Variants in YPEL4 observed in about 807,000 individuals in gnomAD.
YPEL4 encodes protein yippee-like 4.
In YPEL4, 5 loss-of-function variants were observed where a neutral mutation model predicts 16.3. The observed-to-expected ratio is 0.31, with a 90% CI of 0.16 to 0.64. The LOEUF is 0.64. YPEL4 is among the 30% of genes least tolerant of loss of function. The probability of loss-of-function intolerance (pLI) is 0.79; values close to 1 mark genes in which losing one functional copy is unlikely to be tolerated. For missense variants in YPEL4, 127 were observed against 170.0 expected (o/e 0.75, Z 1.41); for synonymous variants, 61 against 60.7 (o/e 1.00, Z -0.02).
chr11:57,647,164 C>A lies in YPEL4; in HGVS notation c.-57G>T. 6.7e-7 allele frequency: 1 copy of A among 1,488,848 alleles called. No individual in the cohort carries two copies. The highest frequency in any genetic ancestry group is 8.9e-7 in the Non-Finnish European group (1 of 1,120,842). The allele number at this position is 1,488,848 out of a possible 1,614,324, so 92.2% of individuals were successfully genotyped here. A position where few individuals can be genotyped will look rare whatever the true frequency, so the allele number is the denominator to read the frequency against. Reference sequence around the variant, plus strand: ...GGAGGGGCTGGCGCCGTGCAGCCCCCGCAGAGACGGTCGCAGGTGAAGCAG... The same window carrying A: ...GGAGGGGCTGGCGCCGTGCAGCCCCAGCAGAGACGGTCGCAGGTGAAGCAG... On this transcript the variant is annotated 5_prime_UTR_variant, in exon 2 of 5. Transcript: ENST00000300022. The surrounding 1 kb of genome is among the most constrained non-coding windows in gnomAD (Gnocchi z 4.2).
chr11:57,645,790 C>CCT lies in YPEL4; in HGVS notation c.*190_*191insAG. On this transcript the variant is annotated 3_prime_UTR_variant, in exon 5 of 5. Coordinates refer to ENST00000300022, the MANE Select transcript of YPEL4 (RefSeq NM_145008.3). The stretch of plus-strand genomic sequence containing the variant: ...ACTGCTGCCCACTCCTGAGCCTTAA[C>CCT]ACCCCTGGGGTACCCCCAGACCCCT... 1 of 600,484 alleles carries CCT rather than the reference C, an allele frequency of 1.7e-6. No individual in the cohort carries two copies. The highest frequency in any genetic ancestry group is 2.9e-6 in the Non-Finnish European group (1 of 340,422). 37.2% of individuals were successfully genotyped at this position (600,484 alleles called of 1,614,324 possible).
intron 3 of YPEL4, 44 bp downstream of exon 3, chr11:57,646,707 A>G (rs748501839): frequency 6.2e-7 from 1 of 1,610,608 alleles, no homozygotes; most frequent in South Asian, 1.1e-5. Flanking sequence ...TTACTCACTC[A>G]CACACAAGCA....
Position 57,645,775 on chromosome 11 carries a change from A to G in YPEL4, c.*206T>C. On this transcript the variant is annotated 3_prime_UTR_variant, in exon 5 of 5. Transcript: ENST00000300022. ...TTCTGTCTCTCCCTGACTGCTGCCC[A>G]CTCCTGAGCCTTAACACCCCTGGGG... 5.2e-6 allele frequency: 3 copies of G among 574,454 alleles called. No individual in the cohort carries two copies. Among genetic ancestry groups the G allele is most frequent in the Admixed American group, 6.3e-5 (2 of 31,506 alleles). The allele number at this position is 574,454 out of a possible 1,614,324, so 35.6% of individuals were successfully genotyped here.
intron 3 of YPEL4, 88 bp downstream of exon 3, chr11:57,646,663 C>G (rs568557460): frequency 2.2e-5 from 35 of 1,561,276 alleles, no homozygotes; most frequent in African/African-American, 1.9e-4. Flanking sequence ...ACAAGATCAC[C>G]TGATGGATTC....
chr11:57,645,819 C>A lies in YPEL4; in HGVS notation c.*162G>T. 3.0e-6 allele frequency: 2 copies of A among 676,370 alleles called. No homozygotes were observed. Among genetic ancestry groups the A allele is most frequent in the Non-Finnish European group, 5.0e-6 (2 of 403,072 alleles). 41.9% of individuals were successfully genotyped at this position (676,370 alleles called of 1,614,324 possible). A position where few individuals can be genotyped will look rare whatever the true frequency, so the allele number is the denominator to read the frequency against. ...CCTGGGGTACCCCCAGACCCCTGTT[C>A]TAAAGGGTGCCTGGTAGTGGATATG... is the stretch of plus-strand genomic sequence containing the variant. On this transcript the variant is annotated 3_prime_UTR_variant, in exon 5 of 5. Coordinates refer to ENST00000300022, the MANE Select transcript of YPEL4 (RefSeq NM_145008.3).
chr11:57,646,572 A>G (rs1945732496), intron 3 of YPEL4, 167 bp from the exon 4 acceptor site: 10 of 1,213,286 alleles, frequency 8.2e-6, no homozygotes, highest in African/African-American at 1.5e-5. Flanking sequence ...CACCGTTATG[A>G]TTTCAATTCT....
chr11:57,647,411 C>A lies in YPEL4; in HGVS notation c.-184-120G>T. The A allele has an allele frequency of 3.8e-6, 1 of 265,226 alleles. No individual in the cohort carries two copies. The highest frequency in any genetic ancestry group is 7.1e-6 in the Non-Finnish European group (1 of 141,014). 16.4% of individuals were successfully genotyped at this position (265,226 alleles called of 1,614,324 possible). On this transcript the variant is annotated intron_variant, in intron 1 of 4. Coordinates refer to ENST00000300022, the MANE Select transcript of YPEL4 (RefSeq NM_145008.3). This position sits in a 1 kb window ranked among gnomAD's most constrained non-coding sequence, Gnocchi z 4.2. ...CTACTTTCCCCATCACCATCGACCC[C>A]CCCACAGCATCCAGTTGCATTGTCG...
chr11:57,645,375 T>A lies in YPEL4; in HGVS notation c.*606A>T, dbSNP rs553621486. 1 of 153,510 alleles carries A rather than the reference T, an allele frequency of 6.5e-6. No individual in the cohort carries two copies. Among genetic ancestry groups the A allele is most frequent in the Non-Finnish European group, 1.5e-5 (1 of 68,634 alleles). The allele number at this position is 153,510 out of a possible 1,614,324, so 9.5% of individuals were successfully genotyped here. On this transcript the variant is annotated 3_prime_UTR_variant, in exon 5 of 5. Transcript: ENST00000300022. ...CGAAAGTGCCTCTTCAGTGCCAAGA[T>A]AAACTAACAAGTGGAGTGAAATGGA...
chr11:57,648,835 C>T (rs754151013), intron 1 of YPEL4: 1 of 152,410 alleles, frequency 6.6e-6, no homozygotes, highest in Non-Finnish European at 1.5e-5. Flanking sequence ...GTCTCTGCTT[C>T]ACAGGTTTGC....
chr11:57,648,509 CT>C (rs1383692129), intron 1 of YPEL4: 1 of 152,270 alleles, frequency 6.6e-6, no homozygotes, highest in African/African-American at 2.4e-5. Context: ...TAGCCTAAGT[CT>C]GGTTCAGAGA....
Position 57,647,129 on chromosome 11 carries a change from C to T in YPEL4, c.-22G>A. 6.5e-7 allele frequency: 1 copy of T among 1,543,092 alleles called. No homozygotes were observed. The highest frequency in any genetic ancestry group is 1.2e-5 in the South Asian group (1 of 82,190). On this transcript the variant is annotated 5_prime_UTR_variant, in exon 2 of 5. Transcript: ENST00000300022. The surrounding 1 kb of genome is among the most constrained non-coding windows in gnomAD (Gnocchi z 4.2). ...GCATGACGGGCTGGAGGACAATGCC[C>T]TGGTGGGCTGGAGGGGCTGGCGCCG...
Position 57,645,992 on chromosome 11 carries a change from C to T in YPEL4, c.373G>A (p.Gly125Ser), listed in dbSNP as rs1188914991. 4 of 1,614,014 alleles carry T rather than the reference C, an allele frequency of 2.5e-6. No individual in the cohort carries two copies. The highest frequency in any genetic ancestry group is 2.2e-5 in the East Asian group (1 of 44,892). Reference sequence around the variant, plus strand: ...CCTGCCTGAGCCCCTCAGTCCCAGCCGTTGTCCTTCACCATGTGTGACATT... The same window carrying T: ...CCTGCCTGAGCCCCTCAGTCCCAGCTGTTGTCCTTCACCATGTGTGACATT... ...IEMSHMVKDNGWD is the reference protein window; with the variant it reads ...IEMSHMVKDNSWD The change falls in exon 5 of 5, where the codon GGC (glycine) becomes AGC (serine). Residue 125 changes from glycine to serine, a missense_variant. Coordinates refer to ENST00000300022, the MANE Select transcript of YPEL4 (RefSeq NM_145008.3).
At chr11:57,649,402 GCCAGCTC>G in intron 1 of YPEL4, 1 of 152,390 alleles carries the variant, frequency 6.6e-6, no homozygotes, top group African/African-American at 2.4e-5. Flanking sequence ...TAGCAGCACC[GCCAGCTC>G]CCAGGGCAGG....
chr11:57,645,813 C>T lies in YPEL4; in HGVS notation c.*168G>A, dbSNP rs945365513. The T allele has an allele frequency of 1.5e-6, 1 of 652,960 alleles. No homozygotes were observed. Among genetic ancestry groups the T allele is most frequent in the Non-Finnish European group, 2.6e-6 (1 of 383,460 alleles). The allele number at this position is 652,960 out of a possible 1,614,324, so 40.4% of individuals were successfully genotyped here. Reference sequence around the variant, plus strand: ...AACACCCCTGGGGTACCCCCAGACCCCTGTTCTAAAGGGTGCCTGGTAGTG... The same window carrying T: ...AACACCCCTGGGGTACCCCCAGACCTCTGTTCTAAAGGGTGCCTGGTAGTG... On this transcript the variant is annotated 3_prime_UTR_variant, in exon 5 of 5. Coordinates refer to ENST00000300022, the MANE Select transcript of YPEL4 (RefSeq NM_145008.3).
At chr11:57,646,480 G>A in intron 3 of YPEL4, 75 bp from the exon 4 acceptor site, 5 of 1,550,610 alleles carry the variant, frequency 3.2e-6, no homozygotes, top group Non-Finnish European at 3.6e-6. Context: ...CAGCCCAAGG[G>A]AACTTCCATC....
In YPEL4 at chr11:57,645,778, C is replaced by T. The variant is rs554499689; in HGVS notation, c.*203G>A. The T allele has an allele frequency of 2.8e-4, 167 of 588,104 alleles. 1 individual carries two copies. In the South Asian group the frequency reaches 3.4e-3, roughly 12 times the overall value. 36.4% of individuals were successfully genotyped at this position (588,104 alleles called of 1,614,324 possible). On this transcript the variant is annotated 3_prime_UTR_variant, in exon 5 of 5. Coordinates refer to ENST00000300022, the MANE Select transcript of YPEL4 (RefSeq NM_145008.3). The stretch of plus-strand genomic sequence containing the variant: ...TGTCTCTCCCTGACTGCTGCCCACT[C>T]CTGAGCCTTAACACCCCTGGGGTAC...
intron 4 of YPEL4, 74 bp downstream of exon 4, chr11:57,646,223 G>T: frequency 1.3e-6 from 2 of 1,578,538 alleles, no homozygotes; most frequent in South Asian, 1.1e-5. Context: ...GGAAGGACCT[G>T]ACATGGTCAC....
chr11:57,646,132 C>A, intron 4 of YPEL4, 62 bp from the exon 5 acceptor site: 1 of 1,589,890 alleles, frequency 6.3e-7, no homozygotes, highest in Non-Finnish European at 8.6e-7. Context: ...CCCACTGTCA[C>A]CTGTATGGCC....
At chr11:57,646,097 A>G in intron 4 of YPEL4, 27 bp from the exon 5 acceptor site, 1 of 1,613,322 alleles carries the variant, frequency 6.2e-7, no homozygotes. Flanking sequence ...CAGTGATTGT[A>G]GGACAAAGCA....
Sources: allele counts gnomAD v4.1 joint callset, GRCh38; gene constraint gnomAD v4.1.1; non-coding constraint Gnocchi (gnomAD v3.1); transcripts MANE v1.5; gene names NCBI Gene and HGNC (gene_info 2026-07-23, HGNC 2026-07-21).